Variants in ZNF334 observed in about 807,000 individuals in gnomAD.
ZNF334 encodes zinc finger protein 334.
Under a neutral mutation model 12.4 loss-of-function variants are expected in ZNF334, and 14 were observed. The ratio of observed to expected loss-of-function variants is 1.13; its 90% CI spans 0.74 to 1.76. The LOEUF is 1.76. Among genes scored for constraint, ZNF334 ranks in the 40% most tolerant of loss-of-function variants. The pLI is 0.00. For missense variants in ZNF334, 797 were observed against 804.5 expected (o/e 0.99, Z 0.11); for synonymous variants, 273 against 269.6 (o/e 1.01, Z -0.12).
chr20:46,493,983 C>T, the ZNF334 span, among the ~76,000 whole-genome samples: 9 of 152,106 alleles, frequency 5.9e-5, no homozygotes, highest in Non-Finnish European at 1.3e-4. Flanking sequence ...GAATAGTTTG[C>T]ACCATTCTTA....
the ZNF334 span, among the ~76,000 whole-genome samples, chr20:46,487,595 C>T: frequency 6.6e-6 from 1 of 152,104 alleles, no homozygotes; most frequent in Non-Finnish European, 1.5e-5. Context: ...TATTTTGAAG[C>T]TCTGTGGGTG....
At chr20:46,484,537 AC>A in the ZNF334 span, 3 of 167,274 alleles carry the variant, frequency 1.8e-5, no homozygotes, top group Non-Finnish European at 2.9e-5. Context: ...GAACAGAGAA[AC>A]CTGTATAAAG....
At chr20:46,492,274 TA>T in the ZNF334 span, 2 of 152,728 alleles carry the variant, frequency 1.3e-5, no homozygotes, top group Non-Finnish European at 2.9e-5. Context: ...TAACACAACA[TA>T]AAGGAACTCA....
At chr20:46,476,309 G>A in the ZNF334 span, 1 of 152,190 alleles carries the variant, frequency 6.6e-6, no homozygotes, top group Non-Finnish European at 1.5e-5. Context: ...AGAGATCCTG[G>A]AGGTGATGAC....
the ZNF334 span, chr20:46,465,115 T>C: frequency 4.0e-6 from 1 of 249,862 alleles, no homozygotes; most frequent in South Asian, 4.9e-5. Context: ...TACCAGCAGG[T>C]GACCTGTTTA....
chr20:46,496,538 C>G (rs1322274674), downstream of ZNF334, among the ~76,000 whole-genome samples: 1 of 152,208 alleles, frequency 6.6e-6, no homozygotes, highest in East Asian at 1.9e-4. Flanking sequence ...CCTTTGAAAT[C>G]TGTCACTTTG....
the ZNF334 span, among the ~76,000 whole-genome samples, chr20:46,463,065 G>A: frequency 6.6e-6 from 1 of 152,184 alleles, no homozygotes; most frequent in Admixed American, 6.5e-5. Context: ...TGGCCAACAT[G>A]GCGAAACCCT....
the ZNF334 span, among the ~76,000 whole-genome samples, chr20:46,488,028 A>G: frequency 6.6e-6 from 1 of 152,176 alleles, no homozygotes; most frequent in Admixed American, 6.5e-5. Context: ...AAGATCCTAC[A>G]TGCATGCGAC....
intron 2 of ZNF334, among the ~76,000 whole-genome samples, chr20:46,510,226 G>T (rs1270309355): frequency 6.6e-6 from 1 of 152,102 alleles, no homozygotes; most frequent in Non-Finnish European, 1.5e-5. Flanking sequence ...GGAGGAATTG[G>T]TCAGTGTGAA....
the ZNF334 span, chr20:46,464,843 G>T: frequency 1.9e-6 from 1 of 540,058 alleles, no homozygotes; most frequent in South Asian, 1.4e-5. Flanking sequence ...GTTTGAGTCT[G>T]ACTCAGCTTC....
chr20:46,507,215 A>G (rs547738668), intron 2 of ZNF334, among the ~76,000 whole-genome samples: 5 of 152,166 alleles, frequency 3.3e-5, no homozygotes, highest in Admixed American at 6.5e-5. Context: ...GAGGAAAGAC[A>G]AGGAAAAGAA....
rs758898840 is a variant in ZNF334 at position 46,501,253 on chromosome 20, A to G, written c.*43T>C. On this transcript the variant is annotated 3_prime_UTR_variant, in exon 5 of 5. Transcript: ENST00000692313. ...CTCACAGTTTAGCATTGTGTAAGTT[A>G]TTTGATTTGTTGCTTTGTTGGAATT... 28 of 1,575,356 alleles carry G rather than the reference A, an allele frequency of 1.8e-5. No individual in the cohort carries two copies. The highest frequency in any genetic ancestry group is 2.3e-5 in the Non-Finnish European group (27 of 1,162,102).
downstream of ZNF334, among the ~76,000 whole-genome samples, chr20:46,495,664 T>C (rs754514499): frequency 6.6e-6 from 1 of 152,158 alleles, no homozygotes; most frequent in Non-Finnish European, 1.5e-5. Flanking sequence ...GGAACCAATA[T>C]GAGGATTCTG....
the ZNF334 span, among the ~76,000 whole-genome samples, chr20:46,472,457 A>G: frequency 6.6e-6 from 1 of 152,244 alleles, no homozygotes; most frequent in South Asian, 2.1e-4. Flanking sequence ...TTTTAGACTG[A>G]GTGGCCAAGG....
At chr20:46,488,419 T>TATATATATATATA in the ZNF334 span, among the ~76,000 whole-genome samples, 4 of 102,242 alleles carry the variant, frequency 3.9e-5, no homozygotes, top group African/African-American at 1.7e-4. Context: ...AGCTCTTATT[T>TATATATATATATA]TATATATATA....
the ZNF334 span, among the ~76,000 whole-genome samples, chr20:46,487,438 C>A: frequency 6.6e-6 from 1 of 151,966 alleles, no homozygotes; most frequent in South Asian, 2.1e-4. Context: ...TTATTCCATT[C>A]GTGTATTTGT....
chr20:46,473,181 T>G, the ZNF334 span, among the ~76,000 whole-genome samples: 1 of 152,222 alleles, frequency 6.6e-6, no homozygotes, highest in Non-Finnish European at 1.5e-5. Flanking sequence ...TAAATCTTAT[T>G]TTTATTTGAA....
downstream of ZNF334, among the ~76,000 whole-genome samples, chr20:46,495,023 G>T (rs1320948683): frequency 6.6e-6 from 1 of 152,056 alleles, no homozygotes; most frequent in Non-Finnish European, 1.5e-5. Flanking sequence ...TCAGCAGAAA[G>T]TTTTATATTT....
At chr20:46,482,402 T>C in the ZNF334 span, among the ~76,000 whole-genome samples, 6 of 152,188 alleles carry the variant, frequency 3.9e-5, no homozygotes, top group South Asian at 2.1e-4. Context: ...TAGAATTCCA[T>C]TGAATCATAA....
Sources: gnomAD v4.1 joint callset for allele counts (sites outside exome capture counted in the v4.1 genomes callset) on GRCh38, gnomAD v4.1.1 for gene constraint, MANE v1.5 for transcripts, NCBI Gene and HGNC (gene_info 2026-07-23, HGNC 2026-07-21) for gene names.